The following FBN2 variants were observed in gnomAD, a reference collection of about 807,000 sequenced individuals.
The protein encoded by FBN2 is fibrillin-2.
A neutral mutation model predicts 355.6 loss-of-function variants in FBN2; 105 were observed. That is an observed-to-expected ratio of 0.30 (90% CI 0.25 to 0.35). The LOEUF is 0.35. FBN2 is among the 10% of genes least tolerant of loss of function. FBN2 has a pLI of 1.00. For missense variants in FBN2, 3,280 were observed against 3,758.7 expected (o/e 0.87, Z 3.33); for synonymous variants, 1,350 against 1,301.2 (o/e 1.04, Z -0.81).
Position 128,333,043 on chromosome 5 carries a change from C to A in FBN2, c.4100-9G>T, listed in dbSNP as rs377002313. 240 of 1,608,528 alleles carry A rather than the reference C, an allele frequency of 1.5e-4. No homozygotes were observed. The African/African-American group carries it at 3.0e-3, about 20-fold the overall frequency. On this transcript the variant is annotated splice_polypyrimidine_tract_variant and intron_variant, in intron 31 of 64. Transcript: ENST00000262464. ...TTCACACTCATCCACATCTGATAAA[C>A]CATAATTCATAAGAAGAAAATCAAA...
At chr5:128,273,260 G>T (rs1292347309) in intron 61 of FBN2, among the ~76,000 whole-genome samples, 1 of 152,124 alleles carries the variant, frequency 6.6e-6, no homozygotes, top group Non-Finnish European at 1.5e-5. Flanking sequence ...TTTCTTAACT[G>T]CAAGCATGTT....
At chr5:128,399,374 G>A (rs1351453586) in intron 8 of FBN2, among the ~76,000 whole-genome samples, 1 of 152,158 alleles carries the variant, frequency 6.6e-6, no homozygotes, top group Non-Finnish European at 1.5e-5. Context: ...AGTATACTCT[G>A]ATAAAATAAC....
chr5:128,299,744 C>T (rs904366119), intron 48 of FBN2, among the ~76,000 whole-genome samples: 2 of 152,156 alleles, frequency 1.3e-5, no homozygotes, highest in Non-Finnish European at 2.9e-5. Flanking sequence ...GTAAGATGAA[C>T]CCAGCACCTC....
chr5:128,290,653 A>G (rs1265077979), intron 50 of FBN2, 79 bp downstream of exon 50: 5 of 1,393,412 alleles, frequency 3.6e-6, no homozygotes, highest in Non-Finnish European at 5.1e-6. Flanking sequence ...ATATTCTTAA[A>G]TTACATGGTT....
At chr5:128,316,400 C>T (rs193120286) in intron 36 of FBN2, among the ~76,000 whole-genome samples, 198 of 152,260 alleles carry the variant, frequency 1.3e-3, no homozygotes, top group Admixed American at 2.4e-3. Context: ...TTCAGACCTA[C>T]GAAAGGTTCC....
At chr5:128,474,428 T>C (rs1336680520) in intron 5 of FBN2, among the ~76,000 whole-genome samples, 2 of 152,188 alleles carry the variant, frequency 1.3e-5, no homozygotes, top group African/African-American at 4.8e-5. Context: ...CCTGAATATA[T>C]TTCAGGGAAA....
At chr5:128,274,433 C>G (rs759969835) in intron 60 of FBN2, 134 bp downstream of exon 60, 14 of 698,418 alleles carry the variant, frequency 2.0e-5, no homozygotes, top group Non-Finnish European at 3.6e-5. Flanking sequence ...TTAGCAACTT[C>G]TTTAGACCAC....
At chr5:128,510,399 C>T (rs1283910514) in intron 5 of FBN2, among the ~76,000 whole-genome samples, 1 of 152,200 alleles carries the variant, frequency 6.6e-6, no homozygotes, top group Admixed American at 6.5e-5. Flanking sequence ...CCTGGAAAAA[C>T]CCTTTCAGGC....
At chr5:128,351,966 A>C (rs939239486) in intron 20 of FBN2, among the ~76,000 whole-genome samples, 1 of 152,008 alleles carries the variant, frequency 6.6e-6, no homozygotes, top group Admixed American at 6.6e-5. Flanking sequence ...AAATGCTTTG[A>C]TATTTAAGAT....
intron 2 of FBN2, among the ~76,000 whole-genome samples, chr5:128,534,381 T>C (rs988526200): frequency 1.9e-4 from 29 of 152,190 alleles, no homozygotes; most frequent in Non-Finnish European, 3.2e-4. Context: ...AACTACTGAA[T>C]TGAATGCAGG....
In FBN2 at chr5:128,312,643, C is replaced by CAGGGGG; in HGVS notation, c.4864_4869dup (p.Pro1622_Pro1623dup). 1 of 1,614,050 alleles carries CAGGGGG rather than the reference C, an allele frequency of 6.2e-7. No homozygotes were observed. Among genetic ancestry groups the CAGGGGG allele is most frequent in the Non-Finnish European group, 8.5e-7 (1 of 1,180,012 alleles). On this transcript the variant is annotated inframe_insertion, in exon 37 of 65. Coordinates refer to ENST00000262464, the MANE Select transcript of FBN2 (RefSeq NM_001999.4). ...TCAGCTTTGTACTTACTGCTATTGA[C>CAGGGGG]AGGGGGGCATGTCTCACAGGGGTTT...
At chr5:128,537,024 C>A (rs1756866071) in intron 1 of FBN2, among the ~76,000 whole-genome samples, 1 of 152,088 alleles carries the variant, frequency 6.6e-6, no homozygotes, top group Admixed American at 6.5e-5. Flanking sequence ...CTGCAGCAGG[C>A]GGACCCAGGC....
At chr5:128,302,867 C>T (rs1034266384) in intron 46 of FBN2, 106 bp downstream of exon 46, 15 of 767,504 alleles carry the variant, frequency 2.0e-5, no homozygotes, top group Middle Eastern at 2.3e-4. Flanking sequence ...CACATATTTG[C>T]AATTTTAGTA....
intron 7 of FBN2, among the ~76,000 whole-genome samples, chr5:128,433,251 GA>G (rs1753672026): frequency 6.6e-6 from 1 of 152,094 alleles, no homozygotes; most frequent in South Asian, 2.1e-4. Flanking sequence ...ACTTATTTGG[GA>G]AACCACTTTC....
chr5:128,290,978 T>C, intron 49 of FBN2, 94 bp from the exon 50 acceptor site: 1 of 1,218,610 alleles, frequency 8.2e-7, no homozygotes, highest in Non-Finnish European at 1.2e-6. Context: ...GCAGACTAGA[T>C]CAGCAGTTAA....
chr5:128,415,136 A>G lies in FBN2; in HGVS notation c.953-6337T>C, dbSNP rs774323171. Among the ~76,000 whole-genome samples the G allele has an allele frequency of 2.0e-5, 3 of 152,194 alleles. No homozygotes were observed. The South Asian group carries it at 6.2e-4, about 32-fold the overall frequency. ...CATGGCATTTAGTTACACGCACAGA[A>G]TGTGTAATGATCAAGTCAGGGCATT... is the stretch of plus-strand genomic sequence containing the variant. On this transcript the variant is annotated intron_variant, in intron 7 of 64. Coordinates refer to ENST00000262464, the MANE Select transcript of FBN2 (RefSeq NM_001999.4).
At chr5:128,533,395 A>G (rs1234008496) in intron 2 of FBN2, among the ~76,000 whole-genome samples, 1 of 152,186 alleles carries the variant, frequency 6.6e-6, no homozygotes, top group Non-Finnish European at 1.5e-5. Flanking sequence ...GCCAATGAGA[A>G]GCAAGAATGC....
At position 128,333,401 on chromosome 5, in the gene FBN2, C is replaced by A. The variant is rs893131198; in HGVS notation, c.4100-367G>T. ...TACAGATCAAGAGAAATCTTATTTCCAATAATAGATGGTGCTATTCCTTCC... is the reference window on the plus strand; with the variant it reads ...TACAGATCAAGAGAAATCTTATTTCAAATAATAGATGGTGCTATTCCTTCC... On this transcript the variant is annotated intron_variant, in intron 31 of 64. Transcript: ENST00000262464. Among the ~76,000 whole-genome samples the A allele has an allele frequency of 2.6e-5, 4 of 151,964 alleles. No individual in the cohort carries two copies. The East Asian group carries it at 7.8e-4, about 29-fold the overall frequency.
At chr5:128,480,079 A>C (rs1026924887) in intron 5 of FBN2, among the ~76,000 whole-genome samples, 9 of 140,398 alleles carry the variant, frequency 6.4e-5, no homozygotes, top group South Asian at 2.2e-4. Flanking sequence ...TATATTCTCT[A>C]TATATAATAT....
Sources: allele counts gnomAD v4.1 joint callset (sites outside exome capture counted in the v4.1 genomes callset), GRCh38; gene constraint gnomAD v4.1.1; transcripts MANE v1.5; gene names NCBI Gene and HGNC (gene_info 2026-07-23, HGNC 2026-07-21).